The following CHST13 variants were observed in gnomAD, a reference collection of about 807,000 sequenced individuals.
The protein encoded by CHST13 is C4ST-3.
In CHST13, 1 loss-of-function variant was observed where a neutral mutation model predicts 7.0. The ratio of observed to expected loss-of-function variants is 0.14; its 90% confidence interval spans 0.05 to 0.68. The LOEUF is 0.68. Ranked by LOEUF, CHST13 falls within the 30% of genes least tolerant of loss-of-function variation. The pLI is 0.82. For missense variants in CHST13, 572 were observed against 507.9 expected (o/e 1.13, Z -1.21); for synonymous variants, 257 against 240.9 (o/e 1.07, Z -0.62).
At position 126,524,377 on chromosome 3, in the gene CHST13, T is replaced by TCTGGGCGCCGCGCTCCTGCTC; in HGVS notation, c.48_68dup (p.Gly17_Leu23dup). The TCTGGGCGCCGCGCTCCTGCTC allele has an allele frequency of 8.1e-7, 1 of 1,235,874 alleles. No homozygotes were observed. Among genetic ancestry groups the TCTGGGCGCCGCGCTCCTGCTC allele is most frequent in the Admixed American group, 4.3e-5 (1 of 23,454 alleles). 76.6% of individuals were successfully genotyped at this position (1,235,874 alleles called of 1,614,324 possible). On this transcript the variant is annotated inframe_insertion, in exon 1 of 3. Transcript: ENST00000319340. ...GGCGGCGCGTGCTGGCGGCCGCCTGTCTGGGCGCCGCGCTCCTGCTCCTAT... is the reference window on the plus strand; with the variant it reads ...GGCGGCGCGTGCTGGCGGCCGCCTGTCTGGGCGCCGCGCTCCTGCTCCTGGGCGCCGCGCTCCTGCTCCTAT...
chr3:126,536,142 T>C, intron 1 of CHST13, 129 bp from the exon 2 acceptor site: 2 of 684,494 alleles, frequency 2.9e-6, no homozygotes, highest in Non-Finnish European at 5.2e-6. Context: ...CCCTAGGAGG[T>C]AGGCAAGATC....
chr3:126,536,822 C>T (rs1431495507), intron 2 of CHST13, among the ~76,000 whole-genome samples: 1 of 151,762 alleles, frequency 6.6e-6, no homozygotes, highest in African/African-American at 2.4e-5. Flanking sequence ...CCCAAATACA[C>T]ACATACAACT....
chr3:126,531,005 A>G (rs891863554), intron 1 of CHST13, among the ~76,000 whole-genome samples: 3 of 152,246 alleles, frequency 2.0e-5, no homozygotes, highest in African/African-American at 7.2e-5. Context: ...GTTCTGGACA[A>G]TGGGCTTTAG....
chr3:126,536,896 A>AACACACACACACACACACAC (rs10670471), intron 2 of CHST13, among the ~76,000 whole-genome samples: 1 of 140,398 alleles, frequency 7.1e-6, no homozygotes, highest in African/African-American at 2.7e-5. Flanking sequence ...CACACACACA[A>AACACACACACACACACACAC]ACACACACAC....
chr3:126,536,182 T>G, intron 1 of CHST13, 89 bp from the exon 2 acceptor site: 2 of 1,060,958 alleles, frequency 1.9e-6, no homozygotes, highest in South Asian at 1.5e-5. Context: ...CAGAGGTGGG[T>G]CAAATGTGCC....
intron 1 of CHST13, among the ~76,000 whole-genome samples, 162 bp downstream of exon 1, chr3:126,524,591 C>G (rs1251424839): frequency 1.3e-5 from 2 of 152,208 alleles, no homozygotes; most frequent in African/African-American, 4.8e-5. Context: ...CAGAAAGGCT[C>G]TAGACGCCCC....
chr3:126,534,390 GAGAC>G (rs146830675), intron 1 of CHST13, among the ~76,000 whole-genome samples: 17,554 of 152,124 alleles, frequency 0.12, 1,615 homozygotes, highest in African/African-American at 0.26. Context: ...GTGCAGCAAG[GAGAC>G]AGACAGACAG....
chr3:126,536,400 C>A (rs1576231506), intron 2 of CHST13, 47 bp downstream of exon 2: 3 of 1,481,782 alleles, frequency 2.0e-6, no homozygotes. Context: ...TCCATCCCAG[C>A]CAGGAGCCTG....
chr3:126,539,829 AC>A (rs1936903934), intron 2 of CHST13, among the ~76,000 whole-genome samples: 6 of 75,340 alleles, frequency 8.0e-5, no homozygotes, highest in East Asian at 3.6e-4. Context: ...CACACATACC[AC>A]ACACACACCA....
chr3:126,528,794 TA>T (rs1936587057), intron 1 of CHST13, among the ~76,000 whole-genome samples: 1 of 152,190 alleles, frequency 6.6e-6, no homozygotes, highest in Non-Finnish European at 1.5e-5. Context: ...TTCTCTCCCC[TA>T]AACAGAATTG....
At chr3:126,539,998 C>T (rs554652257) in intron 2 of CHST13, among the ~76,000 whole-genome samples, 2 of 121,434 alleles carry the variant, frequency 1.6e-5, no homozygotes, top group East Asian at 4.8e-4. Flanking sequence ...GACACACACA[C>T]ACAAATGCCA....
chr3:126,529,797 C>CT (rs1936613578), intron 1 of CHST13, among the ~76,000 whole-genome samples: 1 of 152,214 alleles, frequency 6.6e-6, no homozygotes, highest in African/African-American at 2.4e-5. Flanking sequence ...CCCTGTCTCC[C>CT]TAACCTCCTG....
rs1181235861 is a variant in CHST13, at chr3:126,541,808, C to G, written c.256C>G (p.Arg86Gly). 18 of 1,555,472 alleles carry G rather than the reference C, an allele frequency of 1.2e-5. No homozygotes were observed. The highest frequency in any genetic ancestry group is 1.5e-5 in the Non-Finnish European group (17 of 1,151,458). Residue 86 changes from arginine (R) to glycine (G), a missense_variant, in exon 3 of 3, where the codon CGC becomes GGC. Arg to Gly is a moderately radical substitution (Grantham distance 125, BLOSUM62 -2). Transcript: ENST00000319340. ...GAACAGCGCCTGTAGCCGCCACTCA[C>G]GCCGGCAGCGCCTGCTACAGCCGGA... ...LLNSACSRHS[R>G]RQRLLQPEDL...
chr3:126,524,481 C>T, intron 1 of CHST13, 52 bp downstream of exon 1: 1 of 611,072 alleles, frequency 1.6e-6, no homozygotes, highest in Non-Finnish European at 2.4e-6. Flanking sequence ...TGGCTCCTCG[C>T]GCTTTCCACC....
chr3:126,537,908 G>C (rs1234155447), intron 2 of CHST13, among the ~76,000 whole-genome samples: 2 of 152,236 alleles, frequency 1.3e-5, no homozygotes, highest in African/African-American at 4.8e-5. Flanking sequence ...AAAGGTCACA[G>C]AGCTTCTATG....
intron 1 of CHST13, among the ~76,000 whole-genome samples, chr3:126,532,329 A>G (rs1299915725): frequency 6.6e-6 from 1 of 152,258 alleles, no homozygotes; most frequent in Non-Finnish European, 1.5e-5. Context: ...TGTCATATCT[A>G]ATACATCATC....
chr3:126,537,707 T>A (rs1936827932), intron 2 of CHST13, among the ~76,000 whole-genome samples: 1 of 152,212 alleles, frequency 6.6e-6, no homozygotes, highest in Non-Finnish European at 1.5e-5. Context: ...CTGTGACCGT[T>A]GGGTGTCAAC....
At chr3:126,537,911 C>T (rs1936832135) in intron 2 of CHST13, among the ~76,000 whole-genome samples, 1 of 152,182 alleles carries the variant, frequency 6.6e-6, no homozygotes, top group Admixed American at 6.5e-5. Flanking sequence ...GGTCACAGAG[C>T]TTCTATGGAC....
chr3:126,542,178 G>A lies in CHST13; in HGVS notation c.626G>A (p.Arg209Gln), dbSNP rs1267985670. 2.1e-6 allele frequency: 3 copies of A among 1,451,724 alleles called. No individual in the cohort carries two copies. In the East Asian group the frequency reaches 8.6e-5, roughly 42 times the overall value. 89.9% of individuals were successfully genotyped at this position (1,451,724 alleles called of 1,614,324 possible). ...RYGARIVQRL[R>Q]PRALPDARAR... ...GGTGCACGCATCGTTCAGCGCCTGC[G>A]GCCGCGCGCGCTCCCCGACGCCCGG... The change falls in exon 3 of 3, where the codon CGG becomes CAG. Residue 209 changes from arginine (R) to glutamine (Q), a missense_variant. Physicochemically the swap from Arg to Gln is conservative, Grantham distance 43. Transcript: ENST00000319340.
Sources: gnomAD v4.1 joint callset for allele counts (sites outside exome capture counted in the v4.1 genomes callset) on GRCh38, gnomAD v4.1.1 for gene constraint, MANE v1.5 for transcripts, NCBI Gene and HGNC (gene_info 2026-07-23, HGNC 2026-07-21) for gene names.